Variants in PLEKHG1 observed in about 807,000 individuals in gnomAD.
PLEKHG1 encodes pleckstrin homology and RhoGEF domain containing G1, also known as pleckstrin homology domain-containing family G member 1.
A neutral mutation model predicts 100.8 loss-of-function variants in PLEKHG1; 44 were observed. The observed-to-expected ratio is 0.44, with a 90% CI of 0.34 to 0.56. The LOEUF (loss-of-function observed/expected upper bound fraction) is 0.56. Among genes scored for constraint, PLEKHG1 ranks in the 20% least tolerant of loss-of-function variants. The probability of loss-of-function intolerance (pLI) is 0.01; values close to 1 mark genes in which losing one functional copy is unlikely to be tolerated. For missense variants in PLEKHG1, 1,545 were observed against 1,720.9 expected, an observed-to-expected ratio of 0.90 and a Z score of 1.81; for synonymous variants, 640 against 662.5, an observed-to-expected ratio of 0.97 and a Z score of 0.52.
intron 2 of PLEKHG1, among the ~76,000 whole-genome samples, chr6:150,754,660 ACTTT>A (rs1469100692): frequency 2.4e-4 from 35 of 148,158 alleles, no homozygotes; most frequent in African/African-American, 6.0e-4. Flanking sequence ...TGGCATTAGG[ACTTT>A]CTTTCTTTTT....
intron 2 of PLEKHG1, among the ~76,000 whole-genome samples, chr6:150,757,799 C>T (rs1583066947): frequency 6.6e-6 from 1 of 152,194 alleles, no homozygotes; most frequent in Non-Finnish European, 1.5e-5. Flanking sequence ...ATCAACCCAT[C>T]ACCCAGGTAT....
chr6:150,629,293 T>G (rs1487846352), intron 1 of PLEKHG1, among the ~76,000 whole-genome samples: 1 of 152,218 alleles, frequency 6.6e-6, no homozygotes, highest in African/African-American at 2.4e-5. Context: ...GACACCAGAT[T>G]CTACATTGCG....
At chr6:150,660,732 T>C (rs1181501717) in intron 3 of PLEKHG1, among the ~76,000 whole-genome samples, 2 of 152,222 alleles carry the variant, frequency 1.3e-5, no homozygotes, top group Admixed American at 1.3e-4. Context: ...CATAGAGGCA[T>C]TGGTGAAAGA....
intron 2 of PLEKHG1, among the ~76,000 whole-genome samples, chr6:150,745,302 G>A (rs1364987210): frequency 6.6e-6 from 1 of 152,170 alleles, no homozygotes; most frequent in Non-Finnish European, 1.5e-5. Flanking sequence ...AATCACATGG[G>A]ACCATCATAT....
intron 3 of PLEKHG1, among the ~76,000 whole-genome samples, chr6:150,679,396 G>A (rs9480526): frequency 0.18 from 27,831 of 152,170 alleles, 2,621 homozygotes; most frequent in South Asian, 0.26. Context: ...ATGTAAGTAA[G>A]GGAGAAATAC....
chr6:150,705,568 C>G (rs1259808037), intron 3 of PLEKHG1, among the ~76,000 whole-genome samples: 1 of 152,238 alleles, frequency 6.6e-6, no homozygotes, highest in Non-Finnish European at 1.5e-5. Context: ...AGCACGTGAC[C>G]TTGCAAACTA....
intron 3 of PLEKHG1, among the ~76,000 whole-genome samples, chr6:150,653,175 G>A (rs535996380): frequency 6.6e-6 from 1 of 152,056 alleles, no homozygotes; most frequent in South Asian, 2.1e-4. Flanking sequence ...TACTTTCAGT[G>A]GCCTATGGAA....
chr6:150,642,462 AT>A (rs1778311261), intron 2 of PLEKHG1, among the ~76,000 whole-genome samples: 1 of 152,212 alleles, frequency 6.6e-6, no homozygotes, highest in Non-Finnish European at 1.5e-5. Flanking sequence ...GGACTTGAGT[AT>A]CTCTGGAAAA....
chr6:150,727,737 G>C (rs1417300709), intron 1 of PLEKHG1, among the ~76,000 whole-genome samples: 2 of 152,218 alleles, frequency 1.3e-5, no homozygotes, highest in African/African-American at 4.8e-5. Context: ...CCAAAGGTGA[G>C]ATTGATCACA....
chr6:150,620,538 C>A (rs144666438), intron 1 of PLEKHG1, among the ~76,000 whole-genome samples: 1 of 152,350 alleles, frequency 6.6e-6, no homozygotes, highest in East Asian at 1.9e-4. Flanking sequence ...CCTCCACACC[C>A]ACTTATTCCA....
intron 15 of PLEKHG1, among the ~76,000 whole-genome samples, chr6:150,837,106 G>A (rs540936527): frequency 6.6e-6 from 1 of 152,194 alleles, no homozygotes; most frequent in Admixed American, 6.5e-5. Flanking sequence ...ATGTTGCAGT[G>A]AGCCAAGATC....
intron 2 of PLEKHG1, among the ~76,000 whole-genome samples, chr6:150,638,450 GA>G (rs1228173584): frequency 2.0e-5 from 3 of 152,138 alleles, no homozygotes; most frequent in Non-Finnish European, 2.9e-5. Context: ...GCCAGAAGCT[GA>G]TTTTTTCCTA....
chr6:150,777,064 C>T (rs1233712483), intron 3 of PLEKHG1, among the ~76,000 whole-genome samples: 1 of 146,138 alleles, frequency 6.8e-6, no homozygotes, highest in Non-Finnish European at 1.5e-5. Context: ...TGCAGTTGCA[C>T]ATTACACTGA....
chr6:150,644,079 G>C (rs1338610743), intron 2 of PLEKHG1, among the ~76,000 whole-genome samples: 1 of 151,944 alleles, frequency 6.6e-6, no homozygotes, highest in Non-Finnish European at 1.5e-5. Context: ...CGAATTTTGA[G>C]GTATTTAAAT....
intron 1 of PLEKHG1, among the ~76,000 whole-genome samples, chr6:150,629,487 T>G (rs1434404469): frequency 3.9e-5 from 6 of 151,906 alleles, no homozygotes; most frequent in East Asian, 1.9e-4. Flanking sequence ...TTGAGATGGA[T>G]TCTTGCTCTG....
chr6:150,660,011 T>G (rs1484630553), intron 3 of PLEKHG1, among the ~76,000 whole-genome samples: 2 of 151,874 alleles, frequency 1.3e-5, no homozygotes, highest in Non-Finnish European at 2.9e-5. Flanking sequence ...TGGTTTCAGA[T>G]ACAGAGGGTT....
intron 1 of PLEKHG1, among the ~76,000 whole-genome samples, chr6:150,623,396 G>A (rs1248044839): frequency 2.0e-5 from 3 of 152,140 alleles, no homozygotes; most frequent in Non-Finnish European, 4.4e-5. Context: ...CCTTTTAACG[G>A]GCAAGCACAT....
chr6:150,702,771 A>T (rs1352372974), intron 3 of PLEKHG1, among the ~76,000 whole-genome samples: 11 of 152,164 alleles, frequency 7.2e-5, no homozygotes. Context: ...AGACTTTCTA[A>T]ATCTATCTAG....
chr6:150,749,333 G>A (rs1783361750), intron 2 of PLEKHG1, among the ~76,000 whole-genome samples: 1 of 152,208 alleles, frequency 6.6e-6, no homozygotes, highest in Non-Finnish European at 1.5e-5. Flanking sequence ...GGACAGGTGT[G>A]AAGGGAAGAG....
Sources: allele counts gnomAD v4.1 joint callset (sites outside exome capture counted in the v4.1 genomes callset), GRCh38; gene constraint gnomAD v4.1.1; transcripts MANE v1.5; gene names NCBI Gene and HGNC (gene_info 2026-07-23, HGNC 2026-07-21).